The following SATB2 variants were observed in gnomAD, a reference collection of about 807,000 sequenced individuals.
SATB2 encodes DNA-binding protein SATB2.
SATB2 carries 1 observed loss-of-function variant against 73.4 expected under a neutral mutation model. The ratio of observed to expected loss-of-function variants is 0.01; its 90% CI spans 0.00 to 0.06. SATB2 has a LOEUF of 0.06. Among genes scored for constraint, SATB2 ranks in the 10% least tolerant of loss-of-function variants. The probability of loss-of-function intolerance (pLI) is 1.00; values close to 1 mark genes in which losing one functional copy is unlikely to be tolerated. For missense variants in SATB2, 459 were observed against 945.8 expected, an observed-to-expected ratio of 0.49 and a Z score of 6.75; for synonymous variants, 397 against 367.0, an observed-to-expected ratio of 1.08 and a Z score of -0.93.
intron 3 of SATB2, among the ~76,000 whole-genome samples, chr2:199,405,405 C>T (rs553612754): frequency 6.6e-6 from 1 of 152,204 alleles, no homozygotes; most frequent in East Asian, 1.9e-4. Context: ...CTGGGATCTA[C>T]CACCAGGGGA....
chr2:199,452,940 G>C (rs1356043159), intron 2 of SATB2, among the ~76,000 whole-genome samples: 3 of 152,036 alleles, frequency 2.0e-5, no homozygotes, highest in Non-Finnish European at 4.4e-5. Flanking sequence ...GTCTTCTAAA[G>C]CTAACCACAT....
chr2:199,448,260 T>G (rs1290925829), intron 2 of SATB2, among the ~76,000 whole-genome samples: 2 of 152,174 alleles, frequency 1.3e-5, no homozygotes, highest in Non-Finnish European at 2.9e-5. Context: ...ATAAAAGTAC[T>G]CAATTTTAAT....
intron 3 of SATB2, among the ~76,000 whole-genome samples, chr2:199,424,123 C>T (rs1691257433): frequency 6.6e-6 from 1 of 152,180 alleles, no homozygotes; most frequent in Admixed American, 6.5e-5. Context: ...TTTGTGTTTT[C>T]TCTCATTGAC....
Position 199,394,860 on chromosome 2 carries a change from TCA to T in SATB2, c.347-13042_347-13041del, listed in dbSNP as rs2105885383. ...GGTGTTTCATTTTGATTCTAATATATCACCATCAACTTCCCACCTCTAAAAGG... is the reference window on the plus strand; with the variant it reads ...GGTGTTTCATTTTGATTCTAATATATCCATCAACTTCCCACCTCTAAAAGG... On this transcript the variant is annotated intron_variant, in intron 3 of 10. Coordinates refer to ENST00000417098, the MANE Select transcript of SATB2 (RefSeq NM_001172509.2). 2.0e-5 allele frequency among the ~76,000 whole-genome samples: 3 copies of T among 151,918 alleles called. No homozygotes were observed. The East Asian group carries it at 5.8e-4, about 29-fold the overall frequency.
upstream of SATB2, chr2:199,469,700 G>T (rs1315710428): frequency 6.6e-6 from 1 of 152,308 alleles, no homozygotes; most frequent in East Asian, 1.9e-4. Flanking sequence ...CAGCCTAGGC[G>T]CCCCGGGCTT....
intron 6 of SATB2, among the ~76,000 whole-genome samples, chr2:199,366,176 G>T (rs990988440): frequency 6.6e-6 from 1 of 152,096 alleles, no homozygotes; most frequent in Non-Finnish European, 1.5e-5. Context: ...AGGTAGGGAG[G>T]CTGAGAGGGA....
intron 6 of SATB2, among the ~76,000 whole-genome samples, chr2:199,356,267 G>A (rs373379375): frequency 7.5e-4 from 112 of 149,920 alleles, no homozygotes; most frequent in African/African-American, 2.7e-3. Flanking sequence ...AAAAGACGAC[G>A]GCAGAATTTC....
chr2:199,362,088 A>G (rs1574547284), intron 6 of SATB2, among the ~76,000 whole-genome samples: 2 of 152,064 alleles, frequency 1.3e-5, no homozygotes, highest in Non-Finnish European at 2.9e-5. Flanking sequence ...CCCTATATCC[A>G]GCTAGTTCTA....
At chr2:199,372,532 T>G (rs1327525101) in intron 5 of SATB2, among the ~76,000 whole-genome samples, 1 of 152,160 alleles carries the variant, frequency 6.6e-6, no homozygotes, top group East Asian at 1.9e-4. Context: ...GGTTCCATTT[T>G]CAAACTGAGG....
chr2:199,303,142 A>C (rs1027652968), intron 10 of SATB2, among the ~76,000 whole-genome samples: 1 of 152,236 alleles, frequency 6.6e-6, no homozygotes, highest in African/African-American at 2.4e-5. Context: ...ACATGATAAA[A>C]GTCAGACTCT....
upstream of SATB2, among the ~76,000 whole-genome samples, chr2:199,466,290 G>A (rs1417022692): frequency 1.3e-5 from 2 of 152,148 alleles, no homozygotes; most frequent in African/African-American, 2.4e-5. Flanking sequence ...GCCCTTGCCG[G>A]CACTTAGGGA....
intron 3 of SATB2, among the ~76,000 whole-genome samples, chr2:199,431,696 G>A (rs1691505828): frequency 1.3e-5 from 2 of 152,164 alleles, no homozygotes; most frequent in African/African-American, 4.8e-5. Flanking sequence ...GCTCCCTAGT[G>A]CAAATTTCCT....
At chr2:199,366,962 C>T (rs907919241) in intron 6 of SATB2, among the ~76,000 whole-genome samples, 9 of 151,948 alleles carry the variant, frequency 5.9e-5, no homozygotes, top group African/African-American at 1.9e-4. Flanking sequence ...TCTGAAAACA[C>T]TAGAGTGAAG....
chr2:199,458,468 T>C (rs1054274090), upstream of SATB2: 1 of 393,532 alleles, frequency 2.5e-6, no homozygotes, highest in Non-Finnish European at 5.0e-6. Context: ...CGCGAGGCGG[T>C]GGCCGCGGCC....
chr2:199,310,149 G>T (rs531801773), intron 9 of SATB2, among the ~76,000 whole-genome samples: 2 of 152,012 alleles, frequency 1.3e-5, no homozygotes, highest in Non-Finnish European at 2.9e-5. Context: ...TTCAACTGCC[G>T]GCTGCAGCAC....
At chr2:199,409,447 GGCGTAA>G (rs1690743232) in intron 3 of SATB2, among the ~76,000 whole-genome samples, 1 of 152,142 alleles carries the variant, frequency 6.6e-6, no homozygotes, top group Non-Finnish European at 1.5e-5. Flanking sequence ...TGGGATTACA[GGCGTAA>G]GCCACTGCGC....
chr2:199,467,175 A>G (rs1049722481), upstream of SATB2, among the ~76,000 whole-genome samples: 7 of 152,228 alleles, frequency 4.6e-5, no homozygotes, highest in Admixed American at 4.6e-4. Flanking sequence ...CCTTTCTAAT[A>G]CAGGCGTGAA....
intron 10 of SATB2, among the ~76,000 whole-genome samples, chr2:199,286,332 T>C (rs1412092688): frequency 1.3e-5 from 2 of 152,204 alleles, no homozygotes; most frequent in African/African-American, 4.8e-5. Flanking sequence ...GGACACATGA[T>C]GTACCTAGTG....
rs1692175731 is a variant in SATB2, at chr2:199,272,141, A to T, written c.*70T>A. The T allele has an allele frequency of 1.3e-6, 2 of 1,489,494 alleles. No homozygotes were observed. Among genetic ancestry groups the T allele is most frequent in the Non-Finnish European group, 1.9e-6 (2 of 1,073,492 alleles). The allele number at this position is 1,489,494 out of a possible 1,614,324, so 92.3% of individuals were successfully genotyped here. A position where few individuals can be genotyped will look rare whatever the true frequency, so the allele number is the denominator to read the frequency against. ...ACAAAAACAAAAAACAAACTAACAAAAAACTTTTAAAGAAATGAAAGCAGA... is the reference window on the plus strand; with the variant it reads ...ACAAAAACAAAAAACAAACTAACAATAAACTTTTAAAGAAATGAAAGCAGA... On this transcript the variant is annotated 3_prime_UTR_variant, in exon 11 of 11. Coordinates refer to ENST00000417098, the MANE Select transcript of SATB2 (RefSeq NM_001172509.2). The surrounding 1 kb of genome is among the most constrained non-coding windows in gnomAD (Gnocchi z 6.7).
Sources: gnomAD v4.1 joint callset for allele counts (sites outside exome capture counted in the v4.1 genomes callset) on GRCh38, gnomAD v4.1.1 for gene constraint, Gnocchi (gnomAD v3.1) non-coding constraint, MANE v1.5 for transcripts, NCBI Gene and HGNC (gene_info 2026-07-23, HGNC 2026-07-21) for gene names.